ICA1L: variants seen among roughly 807,000 people sequenced by gnomAD.
ICA1L encodes the protein islet cell autoantigen 1 like.
In ICA1L, 50 loss-of-function variants were observed where a neutral mutation model predicts 61.3. The ratio of observed to expected loss-of-function variants is 0.82; its 90% CI spans 0.65 to 1.03. ICA1L has a LOEUF of 1.03. Among genes scored for constraint, ICA1L ranks in the 50% least tolerant of loss-of-function variants. The pLI is 0.00. For missense variants in ICA1L, 508 were observed against 556.7 expected, an observed-to-expected ratio of 0.91 and a Z score of 0.88; for synonymous variants, 161 against 191.3, an observed-to-expected ratio of 0.84 and a Z score of 1.31.
chr2:202,820,637 GAGGA>G (rs1693674468), intron 4 of ICA1L, among the ~76,000 whole-genome samples: 2 of 152,194 alleles, frequency 1.3e-5, no homozygotes, highest in African/African-American at 4.8e-5. Flanking sequence ...AGCTGAGGAT[GAGGA>G]CAAGATAACA....
rs756184094 is a variant in ICA1L at position 202,828,948 on chromosome 2, T to C, written c.62A>G (p.Lys21Arg). 6.2e-7 allele frequency: 1 copy of C among 1,611,820 alleles called. No homozygotes were observed. The highest frequency in any genetic ancestry group is 2.2e-5 in the East Asian group (1 of 44,862). Reference protein sequence around the residue: ...DNQSVVRRMQKKYWKTKQVFI... With the variant: ...DNQSVVRRMQRKYWKTKQVFI... The stretch of plus-strand genomic sequence containing the variant: ...GACCTGTTTAGTTTTCCAGTATTTC[T>C]TTTGCATTCTTCTGACTACTGACTG... The change falls in exon 2 of 13, where the codon AAG becomes AGG. Residue 21 changes from lysine (K) to arginine (R), a missense_variant. By Grantham distance (26) the Lys-to-Arg change is conservative. Coordinates refer to ENST00000358299, the MANE Select transcript of ICA1L (RefSeq NM_001288622.3).
intron 1 of ICA1L, among the ~76,000 whole-genome samples, chr2:202,862,426 C>A (rs189671600): frequency 1.2e-4 from 18 of 151,720 alleles, no homozygotes; most frequent in African/African-American, 4.1e-4. Flanking sequence ...CCACCGTGCT[C>A]CAGGCTGGGT....
chr2:202,801,095 C>A (rs1389109268), intron 9 of ICA1L, among the ~76,000 whole-genome samples: 1 of 152,016 alleles, frequency 6.6e-6, no homozygotes, highest in Non-Finnish European at 1.5e-5. Context: ...GAAGAATAAT[C>A]CTGGTTGTGG....
chr2:202,861,627 C>T (rs986306922), intron 1 of ICA1L, among the ~76,000 whole-genome samples: 1 of 151,804 alleles, frequency 6.6e-6, no homozygotes, highest in African/African-American at 2.4e-5. Context: ...TGGCTCACAC[C>T]TGTAATCCCA....
chr2:202,795,458 G>C (rs1326915463), intron 10 of ICA1L, among the ~76,000 whole-genome samples: 2 of 152,134 alleles, frequency 1.3e-5, no homozygotes, highest in Non-Finnish European at 2.9e-5. Context: ...AGCCAGGCAT[G>C]GTGGCGGATG....
chr2:202,790,464 G>A (rs1692711965), intron 10 of ICA1L, among the ~76,000 whole-genome samples: 3 of 152,232 alleles, frequency 2.0e-5, no homozygotes, highest in Middle Eastern at 3.4e-3. Flanking sequence ...CCATCTTCCC[G>A]CTTTCCAACT....
At position 202,778,691 on chromosome 2, in the gene ICA1L, A is replaced by ATGTATATATATAATAT. The variant is rs1574316952; in HGVS notation, c.*841_*842insATATTATATATATACA. ...ATTCTCCCCTCATTTTATTTTCAGG[A>ATGTATATATATAATAT]ATAATATAAATACTGCATACTACTA... On this transcript the variant is annotated 3_prime_UTR_variant, in exon 13 of 13. Transcript: ENST00000358299. 2.6e-5 allele frequency: 4 copies of ATGTATATATATAATAT among 152,728 alleles called. No homozygotes were observed. The East Asian group carries it at 7.7e-4, about 29-fold the overall frequency. The allele number at this position is 152,728 out of a possible 1,614,324, so 9.5% of individuals were successfully genotyped here. A position where few individuals can be genotyped will look rare whatever the true frequency, so the allele number is the denominator to read the frequency against.
At chr2:202,809,928 A>G (rs1206318503) in intron 9 of ICA1L, among the ~76,000 whole-genome samples, 13 of 152,192 alleles carry the variant, frequency 8.5e-5, no homozygotes, top group Admixed American at 5.9e-4. Context: ...AGTTTATTCA[A>G]AGGGGGTAAT....
chr2:202,821,427 C>T lies in ICA1L; in HGVS notation c.290G>A (p.Arg97Gln), dbSNP rs779986045. 3 of 1,613,116 alleles carry T rather than the reference C, an allele frequency of 1.9e-6. No homozygotes were observed. The highest frequency in any genetic ancestry group is 2.5e-6 in the Non-Finnish European group (3 of 1,179,604). Residue 97 changes from arginine (R) to glutamine (Q), a missense_variant, in exon 4 of 13, where the codon CGG becomes CAG. Coordinates refer to ENST00000358299, the MANE Select transcript of ICA1L (RefSeq NM_001288622.3). ...CATTTTGCCAGCTTGAGTTGCATCC[C>T]GTTCTGCTTGAAATTTTAAAAAGAG... ...LGLFLKFQAE[R>Q]DATQAGKMMD...
chr2:202,793,885 C>A (rs1692834744), intron 10 of ICA1L, among the ~76,000 whole-genome samples: 1 of 151,002 alleles, frequency 6.6e-6, no homozygotes, highest in Non-Finnish European at 1.5e-5. Flanking sequence ...ACTTGGGAGG[C>A]TGAGGCAGGA....
At position 202,779,608 on chromosome 2, in the gene ICA1L, A is replaced by G. The variant is rs1370649105; in HGVS notation, c.1374T>C (p.Asn458=). The change falls in exon 13 of 13, where the codon AAT becomes AAC. Residue 458 remains asparagine, a synonymous_variant. Coordinates refer to ENST00000358299, the MANE Select transcript of ICA1L (RefSeq NM_001288622.3). ...NGNQDMSAWF[N]LFADLDPLSN... is the part of the protein sequence containing the mutation. ...AAAGTGGATCCAAGTCTGCAAACAG[A>G]TTGAACCAGGCTGACATGTCTTGGT... 3 of 1,613,376 alleles carry G rather than the reference A, an allele frequency of 1.9e-6. No individual in the cohort carries two copies. Among genetic ancestry groups the G allele is most frequent in the Admixed American group, 1.7e-5 (1 of 59,754 alleles).
rs1692858326 is a variant in ICA1L at position 202,794,552 on chromosome 2, AAC to A, written c.985+2336_985+2337del. Among the ~76,000 whole-genome samples, 3 of 152,130 alleles carry A rather than the reference AAC, an allele frequency of 2.0e-5. No individual in the cohort carries two copies. The South Asian group carries it at 6.2e-4, about 32-fold the overall frequency. On this transcript the variant is annotated intron_variant, in intron 10 of 12. Coordinates refer to ENST00000358299, the MANE Select transcript of ICA1L (RefSeq NM_001288622.3). ...CTGAAGGTAGTAGCCAATGTAATTAAACAAGAGAAATCTATGAGTTGGTAAGA... is the reference window on the plus strand; with the variant it reads ...CTGAAGGTAGTAGCCAATGTAATTAAAAGAGAAATCTATGAGTTGGTAAGA...
rs1692238281 is a variant in ICA1L at position 202,776,850 on chromosome 2, TTG to T, written c.*2681_*2682del. 6.6e-6 allele frequency: 1 copy of T among 152,142 alleles called. No homozygotes were observed. The highest frequency in any genetic ancestry group is 2.4e-5 in the African/African-American group (1 of 41,436). The allele number at this position is 152,142 out of a possible 1,614,324, so 9.4% of individuals were successfully genotyped here. ...GTATGTCTCCATTTCGGGAGAACTTTTGCTTTTGGAAAATTTAGGGTGTTCCT... is the reference window on the plus strand; with the variant it reads ...GTATGTCTCCATTTCGGGAGAACTTTCTTTTGGAAAATTTAGGGTGTTCCT... On this transcript the variant is annotated 3_prime_UTR_variant, in exon 13 of 13. Coordinates refer to ENST00000358299, the MANE Select transcript of ICA1L (RefSeq NM_001288622.3).
At chr2:202,823,280 C>A (rs1693747458) in intron 3 of ICA1L, among the ~76,000 whole-genome samples, 1 of 152,146 alleles carries the variant, frequency 6.6e-6, no homozygotes, top group South Asian at 2.1e-4. Context: ...GCTGGACTAA[C>A]CTACTGCATT....
intron 1 of ICA1L, among the ~76,000 whole-genome samples, chr2:202,861,457 C>CTAAA (rs1191892925): frequency 7.4e-5 from 9 of 121,048 alleles, no homozygotes; most frequent in Admixed American, 2.5e-4. Flanking sequence ...ATGGATGTTA[C>CTAAA]TAAATAACAA....
chr2:202,831,101 A>G (rs1191753548), intron 1 of ICA1L, among the ~76,000 whole-genome samples: 1 of 152,200 alleles, frequency 6.6e-6, no homozygotes, highest in African/African-American at 2.4e-5. Context: ...AAATAGAACA[A>G]GGACAAGCTG....
chr2:202,848,243 G>A lies in ICA1L; in HGVS notation c.-7-19227C>T, dbSNP rs374787896. Among the ~76,000 whole-genome samples, 10 of 152,258 alleles carry A rather than the reference G, an allele frequency of 6.6e-5. No homozygotes were observed. In the East Asian group the frequency reaches 1.5e-3, roughly 24 times the overall value. ...CTGCCAAAGTGCTAGGATTACAGGC[G>A]TGAGCCACCGCGCCCAGCCAAACAG... is the stretch of plus-strand genomic sequence containing the variant. On this transcript the variant is annotated intron_variant, in intron 1 of 12. Coordinates refer to ENST00000358299, the MANE Select transcript of ICA1L (RefSeq NM_001288622.3).
chr2:202,835,853 A>G (rs1694134149), intron 1 of ICA1L, among the ~76,000 whole-genome samples: 1 of 151,976 alleles, frequency 6.6e-6, no homozygotes, highest in African/African-American at 2.4e-5. Flanking sequence ...TCTGACCACT[A>G]CTGATTTTTG....
chr2:202,773,879 T>C lies in ICA1L; in HGVS notation c.*5654A>G, dbSNP rs181217247. ...CTTCTACAGAGGCTGAGTGGAACAGTCCTGCTAAATAAACCAGTGGAATAA... is the reference window on the plus strand; with the variant it reads ...CTTCTACAGAGGCTGAGTGGAACAGCCCTGCTAAATAAACCAGTGGAATAA... On this transcript the variant is annotated 3_prime_UTR_variant, in exon 13 of 13. Coordinates refer to ENST00000358299, the MANE Select transcript of ICA1L (RefSeq NM_001288622.3). The C allele has an allele frequency of 6.1e-5, 79 of 1,288,904 alleles. 1 individual carries two copies. The East Asian group carries it at 1.8e-3, about 30-fold the overall frequency. 79.8% of individuals were successfully genotyped at this position (1,288,904 alleles called of 1,614,324 possible).
Sources: gnomAD v4.1 joint callset for allele counts (sites outside exome capture counted in the v4.1 genomes callset) on GRCh38, gnomAD v4.1.1 for gene constraint, MANE v1.5 for transcripts, NCBI Gene and HGNC (gene_info 2026-07-23, HGNC 2026-07-21) for gene names.